Variants in EYA4 observed in about 807,000 individuals in gnomAD.
EYA4 encodes EYA transcriptional coactivator and phosphatase 4, also known as protein phosphatase EYA4.
EYA4 carries 31 observed loss-of-function variants against 87.9 expected under a neutral mutation model. That is an observed-to-expected ratio of 0.35 (90% CI 0.27 to 0.48). EYA4 has a LOEUF of 0.48. Among genes scored for constraint, EYA4 ranks in the 20% least tolerant of loss-of-function variants. The probability of loss-of-function intolerance (pLI) is 0.99; values close to 1 mark genes in which losing one functional copy is unlikely to be tolerated. For missense variants in EYA4, 678 were observed against 761.4 expected, an observed-to-expected ratio of 0.89 and a Z score of 1.29; for synonymous variants, 263 against 270.6, an observed-to-expected ratio of 0.97 and a Z score of 0.28.
chr6:133,300,541 A>G (rs928367716), intron 2 of EYA4, among the ~76,000 whole-genome samples: 5 of 151,998 alleles, frequency 3.3e-5, no homozygotes, highest in Non-Finnish European at 7.4e-5. Context: ...TTAGAGATGG[A>G]GTCTTGCCCT....
intron 3 of EYA4, among the ~76,000 whole-genome samples, chr6:133,396,376 G>A (rs1299384003): frequency 6.6e-6 from 1 of 152,070 alleles, no homozygotes; most frequent in African/African-American, 2.4e-5. Flanking sequence ...CAACTAATGG[G>A]GATGTTAGAG....
intron 2 of EYA4, among the ~76,000 whole-genome samples, chr6:133,347,088 T>A (rs1783254507): frequency 6.6e-6 from 1 of 152,192 alleles, no homozygotes; most frequent in Non-Finnish European, 1.5e-5. Flanking sequence ...TGGGGAGGGC[T>A]TTGGAGAAGA....
At chr6:133,365,705 G>T (rs1287049623) in intron 2 of EYA4, among the ~76,000 whole-genome samples, 2 of 152,128 alleles carry the variant, frequency 1.3e-5, no homozygotes, top group African/African-American at 4.8e-5. Context: ...TCAGTGGGCT[G>T]TGGGTTGTAG....
rs545769152 is a variant in EYA4, at chr6:133,336,746, C to T, written c.34-45646C>T. Reference sequence around the variant, plus strand: ...CTGACATATGCAACTTATTTCCAAACGATTTAAAAGCAATGATACATATAA... The same window carrying T: ...CTGACATATGCAACTTATTTCCAAATGATTTAAAAGCAATGATACATATAA... On this transcript the variant is annotated intron_variant, in intron 2 of 19. Transcript: ENST00000355286. Among the ~76,000 whole-genome samples the T allele has an allele frequency of 3.5e-3, 534 of 152,114 alleles. 5 individuals are homozygous for T. The highest frequency in any genetic ancestry group is 0.012 in the African/African-American group (478 of 41,498).
intron 10 of EYA4, among the ~76,000 whole-genome samples, chr6:133,467,766 C>T (rs1434371326): frequency 1.3e-5 from 2 of 151,812 alleles, no homozygotes; most frequent in Admixed American, 6.6e-5. Flanking sequence ...TCACTGATAA[C>T]ATTTTGGGCT....
intron 1 of EYA4, among the ~76,000 whole-genome samples, chr6:133,249,355 G>A (rs1365315731): frequency 6.6e-6 from 1 of 152,072 alleles, no homozygotes; most frequent in African/African-American, 2.4e-5. Context: ...CTCTCCTGGG[G>A]GCCCATTCTG....
chr6:133,530,986 C>A lies in EYA4; in HGVS notation c.*2181C>A. On this transcript the variant is annotated 3_prime_UTR_variant, in exon 20 of 20. Coordinates refer to ENST00000355286, the MANE Select transcript of EYA4 (RefSeq NM_004100.5). ...AAATATTTATTACTGTGAATAAAAA[C>A]AAATTATCTTTACTGTATAGCTGGT... 7.8e-7 allele frequency: 1 copy of A among 1,280,256 alleles called. No homozygotes were observed. Among genetic ancestry groups the A allele is most frequent in the East Asian group, 2.9e-5 (1 of 33,958 alleles). 79.3% of individuals were successfully genotyped at this position (1,280,256 alleles called of 1,614,324 possible). A position where few individuals can be genotyped will look rare whatever the true frequency, so the allele number is the denominator to read the frequency against.
At chr6:133,510,131 G>T (rs1010242760) in intron 14 of EYA4, among the ~76,000 whole-genome samples, 4 of 152,110 alleles carry the variant, frequency 2.6e-5, no homozygotes, top group African/African-American at 9.7e-5. Flanking sequence ...AAGTTTTTGG[G>T]CAACCTATGT....
Position 133,331,027 on chromosome 6 carries a change from GT to G in EYA4, c.34-51344del, listed in dbSNP as rs71636692. 7.3e-3 allele frequency among the ~76,000 whole-genome samples: 825 copies of G among 113,604 alleles called. 1 individual carries two copies. The highest frequency in any genetic ancestry group is 8.7e-3 in the African/African-American group (241 of 27,696). 74.5% of individuals were successfully genotyped at this position (113,604 alleles called of 152,430 possible). ...TTGATTATTTTGTATAACCAAACGG[GT>G]TTTTTTTTTTTTTTTTTTTTGCACC... On this transcript the variant is annotated intron_variant, in intron 2 of 19. Coordinates refer to ENST00000355286, the MANE Select transcript of EYA4 (RefSeq NM_004100.5).
intron 19 of EYA4, 54 bp from the exon 20 acceptor site, chr6:133,528,671 A>T (rs772355580): frequency 7.4e-6 from 9 of 1,223,428 alleles, no homozygotes; most frequent in Non-Finnish European, 1.1e-5. Flanking sequence ...ATCTCTCTCC[A>T]TGCCTCATTC....
intron 2 of EYA4, 114 bp from the exon 3 acceptor site, chr6:133,382,278 G>T: frequency 1.3e-6 from 1 of 789,890 alleles, no homozygotes; most frequent in East Asian, 2.4e-5. Flanking sequence ...TAAAGTGTGG[G>T]GGGTATTTTA....
intron 18 of EYA4, among the ~76,000 whole-genome samples, chr6:133,524,072 C>T (rs974855830): frequency 6.6e-6 from 1 of 152,028 alleles, no homozygotes; most frequent in African/African-American, 2.4e-5. Flanking sequence ...GCCAAGCTTC[C>T]GTAGAGTAAA....
intron 3 of EYA4, among the ~76,000 whole-genome samples, chr6:133,421,745 T>C (rs1440434636): frequency 6.6e-6 from 1 of 152,200 alleles, no homozygotes; most frequent in Non-Finnish European, 1.5e-5. Context: ...TATAAAACCA[T>C]TCACATAATC....
intron 19 of EYA4, among the ~76,000 whole-genome samples, chr6:133,528,378 T>C (rs975315084): frequency 3.9e-5 from 6 of 152,182 alleles, no homozygotes; most frequent in African/African-American, 1.4e-4. Context: ...AAAACTTGCT[T>C]TCCATTAGCC....
chr6:133,287,574 T>C (rs1261132859), intron 2 of EYA4, among the ~76,000 whole-genome samples: 4 of 152,168 alleles, frequency 2.6e-5, no homozygotes, highest in African/African-American at 9.7e-5. Flanking sequence ...CAAGCTGAGA[T>C]GTTTTCGTGT....
chr6:133,292,587 A>G (rs1333491772), intron 2 of EYA4, among the ~76,000 whole-genome samples: 1 of 152,218 alleles, frequency 6.6e-6, no homozygotes. Flanking sequence ...GAATGTATCA[A>G]CATTTATACA....
chr6:133,434,799 G>T (rs1039394429), intron 3 of EYA4, among the ~76,000 whole-genome samples: 25 of 152,202 alleles, frequency 1.6e-4, no homozygotes, highest in African/African-American at 5.3e-4. Flanking sequence ...TGAACAGTTT[G>T]ATCTTTACTG....
intron 3 of EYA4, among the ~76,000 whole-genome samples, chr6:133,427,815 G>A (rs1161713086): frequency 6.6e-6 from 1 of 152,156 alleles, no homozygotes; most frequent in Non-Finnish European, 1.5e-5. Flanking sequence ...ATTCATCAAG[G>A]TTCAGTTATA....
intron 2 of EYA4, among the ~76,000 whole-genome samples, chr6:133,380,919 T>C (rs1326735859): frequency 7.0e-6 from 1 of 142,724 alleles, no homozygotes; most frequent in Admixed American, 7.0e-5. Flanking sequence ...ACTTCCTTCC[T>C]TCCTTTTTCC....
Sources: gnomAD v4.1 joint callset for allele counts (sites outside exome capture counted in the v4.1 genomes callset) on GRCh38, gnomAD v4.1.1 for gene constraint, MANE v1.5 for transcripts, NCBI Gene and HGNC (gene_info 2026-07-23, HGNC 2026-07-21) for gene names.